The following KALRN variants were observed in gnomAD, a reference collection of about 807,000 sequenced individuals.
KALRN encodes kalirin.
A neutral mutation model predicts 353.7 loss-of-function variants in KALRN; 70 were observed. The observed-to-expected ratio is 0.20, with a 90% CI of 0.16 to 0.24. The LOEUF is 0.24. Among genes scored for constraint, KALRN ranks in the 10% least tolerant of loss-of-function variants. The pLI, the probability that KALRN is intolerant of heterozygous loss-of-function variation, is 1.00. For missense variants in KALRN, 2,791 were observed against 3,756.7 expected (o/e 0.74, Z 6.72); for synonymous variants, 1,391 against 1,434.8 (o/e 0.97, Z 0.69).
At position 124,696,126 on chromosome 3, in the gene KALRN, G is replaced by T; in HGVS notation, c.7578-8G>T. ...GGAGTCTGAAGAGCATCCTTTTGGT[G>T]TCCCTAGTGATTCTGGAGAAATCAC... On this transcript the variant is annotated splice_region_variant and splice_polypyrimidine_tract_variant and intron_variant, in intron 53 of 59. Transcript: ENST00000682506. 1 of 1,613,546 alleles carries T rather than the reference G, an allele frequency of 6.2e-7. No homozygotes were observed.
intron 3 of KALRN, among the ~76,000 whole-genome samples, chr3:124,239,434 G>C (rs558004208): frequency 6.6e-6 from 1 of 152,206 alleles, no homozygotes; most frequent in Non-Finnish European, 1.5e-5. Context: ...AAGGGCACCA[G>C]TTGATGTATC....
intron 1 of KALRN, among the ~76,000 whole-genome samples, chr3:124,034,678 C>T (rs1240279201): frequency 6.6e-6 from 1 of 152,094 alleles, no homozygotes; most frequent in Non-Finnish European, 1.5e-5. Flanking sequence ...CTTCCACCAC[C>T]TGTGGCCCTG....
chr3:124,629,857 A>G (rs1027220402), intron 34 of KALRN, among the ~76,000 whole-genome samples: 2 of 150,768 alleles, frequency 1.3e-5, no homozygotes, highest in Non-Finnish European at 2.9e-5. Context: ...ATGGATATCT[A>G]TGTATAGCTA....
intron 13 of KALRN, among the ~76,000 whole-genome samples, chr3:124,409,846 TAA>T (rs1394146930): frequency 6.6e-6 from 1 of 151,858 alleles, no homozygotes; most frequent in Non-Finnish European, 1.5e-5. Flanking sequence ...CAGTATACAT[TAA>T]ACACACACAA....
At chr3:124,052,245 C>T (rs1233280886) in intron 1 of KALRN, among the ~76,000 whole-genome samples, 1 of 152,234 alleles carries the variant, frequency 6.6e-6, no homozygotes, top group East Asian at 1.9e-4. Flanking sequence ...ATCATCCTGA[C>T]AGTCAGCAAA....
intron 34 of KALRN, among the ~76,000 whole-genome samples, chr3:124,568,023 C>T (rs528934965): frequency 1.1e-4 from 17 of 152,170 alleles, no homozygotes; most frequent in South Asian, 8.3e-4. Flanking sequence ...CTGATGTTCC[C>T]TTAGGGTTGA....
chr3:124,208,452 G>A (rs1260507548), intron 1 of KALRN, among the ~76,000 whole-genome samples: 1 of 152,068 alleles, frequency 6.6e-6, no homozygotes, highest in Non-Finnish European at 1.5e-5. Context: ...ATACTTTTTT[G>A]TATATAACAA....
intron 5 of KALRN, among the ~76,000 whole-genome samples, chr3:124,286,103 CTTTCTT>C (rs1297613270): frequency 1.4e-5 from 2 of 144,796 alleles, no homozygotes; most frequent in African/African-American, 5.2e-5. Flanking sequence ...TTCTTTCTTT[CTTTCTT>C]TCTTTCTTTC....
intron 1 of KALRN, among the ~76,000 whole-genome samples, chr3:124,183,100 G>A (rs909902337): frequency 7.2e-5 from 11 of 152,132 alleles, no homozygotes; most frequent in African/African-American, 1.9e-4. Context: ...AAATGATGCC[G>A]TTAGAGTGGG....
At position 124,308,132 on chromosome 3, in the gene KALRN, G is replaced by C. The variant is rs150663226; in HGVS notation, c.1092+9219G>C. On this transcript the variant is annotated intron_variant, in intron 6 of 59. Coordinates refer to ENST00000682506, the MANE Select transcript of KALRN (RefSeq NM_001388419.1). ...TATCAGGAAGATGTAACAACTATAA[G>C]CACATATACACCTAACAAAAAAGTA... Among the ~76,000 whole-genome samples, 51 of 151,992 alleles carry C rather than the reference G, an allele frequency of 3.4e-4. No homozygotes were observed. The East Asian group carries it at 9.6e-3, about 29-fold the overall frequency.
rs557149952 is a variant in KALRN at position 124,189,742 on chromosome 3, C to T, written c.74-38248C>T. Among the ~76,000 whole-genome samples the T allele has an allele frequency of 1.8e-3, 271 of 152,142 alleles. 1 individual carries two copies. The highest frequency in any genetic ancestry group is 6.3e-3 in the African/African-American group (263 of 41,516). ...ATCACAATGTCAGGAGATTGAGACC[C>T]TCCTGGCCAACAGGGTGAAAACCCA... On this transcript the variant is annotated intron_variant, in intron 1 of 59. Coordinates refer to ENST00000682506, the MANE Select transcript of KALRN (RefSeq NM_001388419.1).
intron 38 of KALRN, among the ~76,000 whole-genome samples, chr3:124,653,690 C>A (rs2083666322): frequency 6.6e-6 from 1 of 152,168 alleles, no homozygotes; most frequent in Non-Finnish European, 1.5e-5. Context: ...TGTGGAAGAC[C>A]AGCCATTCCC....
At position 124,326,033 on chromosome 3, in the gene KALRN, G is replaced by A; in HGVS notation, c.1146G>A (p.Glu382=). ...RIMSVASRLS[E]AGHYASQQIK... ...TGTCCGTGGCTTCCCGCCTCTCTGA[G>A]GCCGGTCATTATGCCTCACAACAAA... Residue 382 remains glutamate (E), a synonymous_variant, in exon 7 of 60, where the codon GAG becomes GAA. Transcript: ENST00000682506. 1.2e-6 allele frequency: 2 copies of A among 1,613,738 alleles called. No individual in the cohort carries two copies. The highest frequency in any genetic ancestry group is 1.7e-6 in the Non-Finnish European group (2 of 1,179,820).
At chr3:124,451,333 T>C (rs2058758376) in intron 21 of KALRN, among the ~76,000 whole-genome samples, 1 of 151,918 alleles carries the variant, frequency 6.6e-6, no homozygotes, top group South Asian at 2.1e-4. Flanking sequence ...AACCCCTCTT[T>C]TGAACCTCTG....
At chr3:124,513,656 A>G (rs556059213) in intron 33 of KALRN, among the ~76,000 whole-genome samples, 26 of 152,330 alleles carry the variant, frequency 1.7e-4, no homozygotes, top group Admixed American at 1.3e-4. Flanking sequence ...ATTTTCCAGG[A>G]TGTCTCTCCC....
At chr3:124,364,293 C>A (rs553756729) in intron 10 of KALRN, among the ~76,000 whole-genome samples, 1 of 152,290 alleles carries the variant, frequency 6.6e-6, no homozygotes, top group Admixed American at 6.5e-5. Flanking sequence ...CTGTGAATGT[C>A]AGGAACAGTC....
At chr3:124,605,046 C>T (rs937134252) in intron 34 of KALRN, among the ~76,000 whole-genome samples, 27 of 151,852 alleles carry the variant, frequency 1.8e-4, no homozygotes, top group African/African-American at 6.0e-4. Context: ...ACCTATAGTC[C>T]CAGCTACTCA....
At chr3:124,600,855 C>G (rs1465236773) in intron 34 of KALRN, among the ~76,000 whole-genome samples, 1 of 152,152 alleles carries the variant, frequency 6.6e-6, no homozygotes, top group Non-Finnish European at 1.5e-5. Flanking sequence ...AAGAGGAAAA[C>G]CAGATTACAA....
chr3:124,354,065 A>C (rs16835314), intron 10 of KALRN, among the ~76,000 whole-genome samples: 1,704 of 152,322 alleles, frequency 0.011, 22 homozygotes, highest in African/African-American at 0.037. Context: ...TATGATGTAG[A>C]AAATTGGGAG....
Sources: gnomAD v4.1 joint callset for allele counts (sites outside exome capture counted in the v4.1 genomes callset) on GRCh38, gnomAD v4.1.1 for gene constraint, MANE v1.5 for transcripts, NCBI Gene and HGNC (gene_info 2026-07-23, HGNC 2026-07-21) for gene names.